The following UHRF1 variants were observed in gnomAD, a reference collection of about 807,000 sequenced individuals.
UHRF1 encodes the protein E3 ubiquitin-protein ligase UHRF1.
UHRF1 carries 9 observed loss-of-function variants against 96.5 expected under a neutral mutation model. The ratio of observed to expected loss-of-function variants is 0.09; its 90% CI spans 0.06 to 0.16. UHRF1 has a LOEUF of 0.16. Ranked by LOEUF, UHRF1 falls within the 10% of genes least tolerant of loss-of-function variation. The pLI is 1.00. For missense variants in UHRF1, 626 were observed against 1,131.1 expected, an observed-to-expected ratio of 0.55 and a Z score of 6.40; for synonymous variants, 455 against 469.9, an observed-to-expected ratio of 0.97 and a Z score of 0.41.
intron 2 of UHRF1, among the ~76,000 whole-genome samples, chr19:4,912,636 T>G (rs2032328112): frequency 6.6e-6 from 1 of 152,210 alleles, no homozygotes. Context: ...TGCCCGCCAA[T>G]CCATCTTTTT....
chr19:4,921,881 C>T (rs262577), intron 2 of UHRF1, among the ~76,000 whole-genome samples: 69,601 of 152,106 alleles, frequency 0.46, 16,564 homozygotes, highest in Middle Eastern at 0.51. Flanking sequence ...TCTCAGGCCA[C>T]GAGGAGTGCT....
At chr19:4,947,532 G>A (rs1161189659) in intron 11 of UHRF1, among the ~76,000 whole-genome samples, 2 of 105,044 alleles carry the variant, frequency 1.9e-5, no homozygotes, top group East Asian at 3.1e-4. Context: ...GCAGAGTCTC[G>A]CTCTGTTGCC....
intron 7 of UHRF1, among the ~76,000 whole-genome samples, chr19:4,943,244 C>CA (rs367697700): frequency 1.5e-4 from 23 of 148,458 alleles, no homozygotes; most frequent in African/African-American, 4.4e-4. Flanking sequence ...GTCTCAAAAA[C>CA]AAAAAAAAAG....
At chr19:4,909,351 AGGCGCCGTGGACAGAGGCGGG>A (rs751791037), upstream of UHRF1, 133 of 593,322 alleles carry the variant, frequency 2.2e-4, no homozygotes, top group Middle Eastern at 2.8e-4. Flanking sequence ...CACTAGGCGG[AGGCGCCGTGGACAGAGGCGGG>A]GGCGCCCCCC....
chr19:4,926,528 T>C (rs1318335169), intron 2 of UHRF1, among the ~76,000 whole-genome samples: 1 of 151,488 alleles, frequency 6.6e-6, no homozygotes, highest in African/African-American at 2.4e-5. Context: ...TTCAAACGGG[T>C]TTTTCTGATG....
chr19:4,948,909 G>T (rs2033642927), intron 11 of UHRF1, among the ~76,000 whole-genome samples: 1 of 144,656 alleles, frequency 6.9e-6, no homozygotes. Flanking sequence ...GGATCACGAT[G>T]TCAGGAGATC....
chr19:4,943,401 A>G (rs920306244), intron 7 of UHRF1, among the ~76,000 whole-genome samples: 1 of 151,460 alleles, frequency 6.6e-6, no homozygotes, highest in Non-Finnish European at 1.5e-5. Context: ...ACAATTGCGG[A>G]TGTGGATGGG....
In UHRF1 at chr19:4,909,588, C is replaced by T. The variant is rs1599231617; in HGVS notation, c.-78C>T. 1.1e-5 allele frequency: 7 copies of T among 650,184 alleles called. No homozygotes were observed. The highest frequency in any genetic ancestry group is 9.8e-5 in the East Asian group (3 of 30,558). 40.3% of individuals were successfully genotyped at this position (650,184 alleles called of 1,614,324 possible). ...CCGCGCGGGGTCCGGGCCACGCACGCGGTTTCATCGCCATCCCCAGCCGGG... is the reference window on the plus strand; with the variant it reads ...CCGCGCGGGGTCCGGGCCACGCACGTGGTTTCATCGCCATCCCCAGCCGGG... On this transcript the variant is annotated 5_prime_UTR_variant, in exon 1 of 17. Coordinates refer to ENST00000650932, the MANE Select transcript of UHRF1 (RefSeq NM_001048201.3).
chr19:4,933,689 C>G (rs999192308), intron 5 of UHRF1, among the ~76,000 whole-genome samples: 1 of 152,168 alleles, frequency 6.6e-6, no homozygotes, highest in Non-Finnish European at 1.5e-5. Context: ...ACATTCTGTT[C>G]ATAAACATAC....
chr19:4,906,217 G>C (rs1359350273), upstream of UHRF1, among the ~76,000 whole-genome samples: 3 of 152,126 alleles, frequency 2.0e-5, no homozygotes, highest in Non-Finnish European at 2.9e-5. Context: ...GGGCGCAAGA[G>C]ATCAGCCTTC....
rs1246396872 is a variant in UHRF1 at position 4,944,329 on chromosome 19, T to C, written c.1198-14T>C. 5 of 1,614,026 alleles carry C rather than the reference T, an allele frequency of 3.1e-6. No individual in the cohort carries two copies. The South Asian group carries it at 4.4e-5, about 14-fold the overall frequency. ...GGCTCACGCTGTTGTTCTTTGTGTC[T>C]GTGCCTGGGACAGGGCATGGCCTGT... On this transcript the variant is annotated splice_polypyrimidine_tract_variant and intron_variant, in intron 8 of 16. Transcript: ENST00000650932.
intron 11 of UHRF1, among the ~76,000 whole-genome samples, chr19:4,949,736 C>T (rs373534113): frequency 1.4e-4 from 22 of 152,106 alleles, no homozygotes; most frequent in Admixed American, 8.5e-4. Flanking sequence ...GCTTGGGAGC[C>T]GGAGGTGGGA....
At chr19:4,936,625 C>T (rs2033223739) in intron 5 of UHRF1, among the ~76,000 whole-genome samples, 1 of 152,080 alleles carries the variant, frequency 6.6e-6, no homozygotes, top group African/African-American at 2.4e-5. Flanking sequence ...TTTTACCTTG[C>T]ATTGTAGATT....
At chr19:4,912,158 C>T (rs531771318) in intron 2 of UHRF1, among the ~76,000 whole-genome samples, 1 of 152,308 alleles carries the variant, frequency 6.6e-6, no homozygotes, top group South Asian at 2.1e-4. Flanking sequence ...TTAACCCGCC[C>T]TGCCCCGGGA....
At chr19:4,951,092 C>T in intron 13 of UHRF1, 96 bp downstream of exon 13, 2 of 1,410,938 alleles carry the variant, frequency 1.4e-6, no homozygotes, top group Middle Eastern at 2.6e-4. Context: ...ATGGTGAAAC[C>T]TCATCTCTAC....
intron 7 of UHRF1, 136 bp downstream of exon 7, chr19:4,942,067 G>T: frequency 1.0e-6 from 1 of 1,002,360 alleles, no homozygotes; most frequent in Non-Finnish European, 1.3e-6. Flanking sequence ...AGGCCGAGGC[G>T]GGAGGATCAC....
Position 4,954,609 on chromosome 19 carries a change from G to A in UHRF1, c.1958-41G>A, listed in dbSNP as rs765885481. The stretch of plus-strand genomic sequence containing the variant: ...CCGGTGGCTGTCTCTCCGGCAGCTC[G>A]GGCCACGCGCCCCTCCCTCACGCGC... On this transcript the variant is annotated intron_variant, in intron 14 of 16. Transcript: ENST00000650932. The surrounding 1 kb of genome is among the most constrained non-coding windows in gnomAD (Gnocchi z 5.9). The A allele has an allele frequency of 3.1e-6, 5 of 1,602,592 alleles. No individual in the cohort carries two copies. Among genetic ancestry groups the A allele is most frequent in the Non-Finnish European group, 4.3e-6 (5 of 1,174,124 alleles).
At chr19:4,921,745 G>T (rs2032711707) in intron 2 of UHRF1, among the ~76,000 whole-genome samples, 1 of 152,094 alleles carries the variant, frequency 6.6e-6, no homozygotes, top group African/African-American at 2.4e-5. Context: ...CAACAGGGAG[G>T]GAGACCCTGT....
chr19:4,929,051 G>A (rs1014227280), intron 2 of UHRF1, among the ~76,000 whole-genome samples, 171 bp from the exon 3 acceptor site: 1 of 152,216 alleles, frequency 6.6e-6, no homozygotes, highest in African/African-American at 2.4e-5. Context: ...GGTGCCGCTT[G>A]TGAGCGGGAC....
Sources: gnomAD v4.1 joint callset for allele counts (sites outside exome capture counted in the v4.1 genomes callset) on GRCh38, gnomAD v4.1.1 for gene constraint, Gnocchi (gnomAD v3.1) non-coding constraint, MANE v1.5 for transcripts, NCBI Gene and HGNC (gene_info 2026-07-23, HGNC 2026-07-21) for gene names.